The following ARK2N variants were observed in gnomAD, a reference collection of about 807,000 sequenced individuals.
ARK2N encodes the protein arkadia (RNF111) N-terminal like PKA signaling regulator 2N.
chr18:46,252,622 A>T, the ARK2N span, among the ~76,000 whole-genome samples: 127 of 149,966 alleles, frequency 8.5e-4, no homozygotes, highest in African/African-American at 2.6e-3. Context: ...TTTTTTTTTT[A>T]AATATGGGAA....
the ARK2N span, among the ~76,000 whole-genome samples, chr18:46,199,988 A>G: frequency 1.3e-5 from 2 of 152,012 alleles, no homozygotes; most frequent in East Asian, 1.9e-4. Context: ...TGCCACATCC[A>G]TCTTTCTGTC....
At chr18:46,222,861 A>C in the ARK2N span, among the ~76,000 whole-genome samples, 1 of 152,196 alleles carries the variant, frequency 6.6e-6, no homozygotes, top group East Asian at 1.9e-4. Context: ...TTATGAACCT[A>C]CATTGACACA....
chr18:46,216,045 GC>G, the ARK2N span: 1 of 1,614,056 alleles, frequency 6.2e-7, no homozygotes, highest in Non-Finnish European at 8.5e-7. The surrounding 1 kb of genome is among the most constrained non-coding windows in gnomAD (Gnocchi z 4.3). Context: ...TTTCTTCAAT[GC>G]CCTGCTTGTT....
At chr18:46,219,564 G>A in the ARK2N span, among the ~76,000 whole-genome samples, 1 of 151,698 alleles carries the variant, frequency 6.6e-6, no homozygotes, top group East Asian at 1.9e-4. Flanking sequence ...CCGCCTCCCA[G>A]GTTCAAGCGA....
the ARK2N span, among the ~76,000 whole-genome samples, chr18:46,233,869 G>A: frequency 2.0e-5 from 3 of 152,152 alleles, no homozygotes; most frequent in Non-Finnish European, 4.4e-5. Context: ...ACTTAATTCC[G>A]AAACAAAGTT....
the ARK2N span, among the ~76,000 whole-genome samples, chr18:46,219,991 A>G: frequency 3.9e-5 from 6 of 152,192 alleles, no homozygotes; most frequent in African/African-American, 1.4e-4. Context: ...ACATACTAAC[A>G]TACGTGCATC....
chr18:46,226,195 A>G, the ARK2N span, among the ~76,000 whole-genome samples: 13 of 152,264 alleles, frequency 8.5e-5, no homozygotes, highest in Admixed American at 8.5e-4. Context: ...CAGGAAGAAC[A>G]CAATTCGTTT....
At chr18:46,250,154 G>C in the ARK2N span, among the ~76,000 whole-genome samples, 3 of 152,040 alleles carry the variant, frequency 2.0e-5, no homozygotes, top group African/African-American at 4.8e-5. Context: ...CTGAGCTTTA[G>C]AACAGTACCG....
chr18:46,261,240 G>A, the ARK2N span, among the ~76,000 whole-genome samples: 1 of 152,320 alleles, frequency 6.6e-6, no homozygotes, highest in Non-Finnish European at 1.5e-5. Flanking sequence ...ACACACATCT[G>A]TAAAGCAACA....
the ARK2N span, among the ~76,000 whole-genome samples, chr18:46,245,261 C>T: frequency 2.0e-5 from 3 of 151,982 alleles, no homozygotes; most frequent in African/African-American, 7.2e-5. Context: ...GGTTGTTTAA[C>T]GTGCTGTTTA....
At chr18:46,264,278 A>G in the ARK2N span, 1 of 152,672 alleles carries the variant, frequency 6.5e-6, no homozygotes. Context: ...AAATGCCAGC[A>G]TTGGAATTTT....
the ARK2N span, among the ~76,000 whole-genome samples, chr18:46,192,883 C>A: frequency 1.6e-4 from 23 of 139,448 alleles, no homozygotes; most frequent in Non-Finnish European, 1.8e-4. Context: ...GAGACTGTCT[C>A]AAAAAAAAAA....
the ARK2N span, among the ~76,000 whole-genome samples, chr18:46,176,888 T>A: frequency 6.6e-6 from 1 of 152,260 alleles, no homozygotes; most frequent in South Asian, 2.1e-4. Flanking sequence ...AGTGCTGGGA[T>A]TACAGGTGTG....
At chr18:46,226,806 C>CT in the ARK2N span, among the ~76,000 whole-genome samples, 3,210 of 133,944 alleles carry the variant, frequency 0.024, 109 homozygotes, top group African/African-American at 0.07. Flanking sequence ...ACTGGATTTA[C>CT]TTTTTTTTTT....
At chr18:46,174,785 G>A in the ARK2N span, among the ~76,000 whole-genome samples, 1 of 152,198 alleles carries the variant, frequency 6.6e-6, no homozygotes, top group Non-Finnish European at 1.5e-5. Context: ...AAGCAGTGGC[G>A]GCAACTCCGC....
chr18:46,261,829 T>C, the ARK2N span, among the ~76,000 whole-genome samples: 1 of 152,174 alleles, frequency 6.6e-6, no homozygotes, highest in East Asian at 1.9e-4. Context: ...GAGTAGGGCA[T>C]GTTTGCAGGA....
chr18:46,236,447 A>G, the ARK2N span, among the ~76,000 whole-genome samples: 2 of 152,252 alleles, frequency 1.3e-5, no homozygotes, highest in African/African-American at 4.8e-5. Context: ...TTTAACACAG[A>G]TGTGTTACAT....
chr18:46,211,178 C>T, the ARK2N span, among the ~76,000 whole-genome samples: 1 of 152,052 alleles, frequency 6.6e-6, no homozygotes, highest in Non-Finnish European at 1.5e-5. Flanking sequence ...ATTAATGACC[C>T]TGGTAATAAA....
the ARK2N span, among the ~76,000 whole-genome samples, chr18:46,242,090 T>G: frequency 1.3e-5 from 2 of 152,198 alleles, no homozygotes; most frequent in Non-Finnish European, 2.9e-5. Context: ...ATTACAGGCG[T>G]GAACCACTGC....
Sources: gnomAD v4.1 joint callset for allele counts (sites outside exome capture counted in the v4.1 genomes callset) on GRCh38, gnomAD v4.1.1 for gene constraint, Gnocchi (gnomAD v3.1) non-coding constraint, MANE v1.5 for transcripts, NCBI Gene and HGNC (gene_info 2026-07-23, HGNC 2026-07-21) for gene names.